SLC2A13: variants seen among roughly 807,000 people sequenced by gnomAD.
SLC2A13 encodes the protein solute carrier family 2 member 13.
In SLC2A13, 32 loss-of-function variants were observed where a neutral mutation model predicts 64.4. That is an observed-to-expected ratio of 0.50 (90% CI 0.37 to 0.67). The LOEUF (loss-of-function observed/expected upper bound fraction) is 0.67, where lower values mean the gene tolerates loss of function less well. Ranked by LOEUF, SLC2A13 falls within the 30% of genes least tolerant of loss-of-function variation. The probability of loss-of-function intolerance (pLI) is 0.00; values close to 1 mark genes in which losing one functional copy is unlikely to be tolerated. For synonymous variants in SLC2A13, 338 were observed against 327.1 expected (o/e 1.03, Z -0.36); for missense variants, 743 against 829.2 (o/e 0.90, Z 1.28).
intron 3 of SLC2A13, among the ~76,000 whole-genome samples, chr12:40,007,500 TTTTTTA>T (rs1280097685): frequency 1.1e-5 from 1 of 89,338 alleles, no homozygotes; most frequent in Non-Finnish European, 2.4e-5. Flanking sequence ...TTTAAAACTT[TTTTTTA>T]AAAAAAGGTC....
At chr12:39,888,944 T>A (rs1944534770) in intron 4 of SLC2A13, among the ~76,000 whole-genome samples, 1 of 152,184 alleles carries the variant, frequency 6.6e-6, no homozygotes, top group Non-Finnish European at 1.5e-5. Context: ...AGTAAACCAT[T>A]TTTCTTGTGA....
chr12:39,999,809 A>T (rs193076466), intron 3 of SLC2A13, among the ~76,000 whole-genome samples: 2 of 152,128 alleles, frequency 1.3e-5, no homozygotes, highest in East Asian at 3.9e-4. Context: ...TGCCCTTTGA[A>T]GCATGTGATC....
chr12:40,031,279 GT>G (rs1253280574), intron 2 of SLC2A13, among the ~76,000 whole-genome samples: 5 of 152,092 alleles, frequency 3.3e-5, no homozygotes, highest in African/African-American at 1.2e-4. Flanking sequence ...CCGGAGTGTA[GT>G]GGCGCGATCT....
chr12:39,837,454 C>A (rs1315447852), intron 6 of SLC2A13, among the ~76,000 whole-genome samples: 1 of 136,754 alleles, frequency 7.3e-6, no homozygotes, highest in Non-Finnish European at 1.6e-5. Context: ...TCCAAAACAC[C>A]AAAAGCAATG....
At chr12:40,090,734 T>G (rs1938739647) in intron 1 of SLC2A13, among the ~76,000 whole-genome samples, 1 of 152,190 alleles carries the variant, frequency 6.6e-6, no homozygotes, top group Admixed American at 6.5e-5. Flanking sequence ...TTTGCAACAT[T>G]CATGATTTCC....
chr12:39,915,433 T>C (rs1034002875), intron 4 of SLC2A13, among the ~76,000 whole-genome samples: 3 of 151,874 alleles, frequency 2.0e-5, no homozygotes, highest in African/African-American at 4.8e-5. Context: ...AAAACAGCCA[T>C]AGAAACACCC....
chr12:39,966,245 A>T (rs533620600), intron 3 of SLC2A13, among the ~76,000 whole-genome samples: 1 of 152,046 alleles, frequency 6.6e-6, no homozygotes, highest in Admixed American at 6.6e-5. Flanking sequence ...AGTTACAATG[A>T]TCATCATTAC....
intron 2 of SLC2A13, among the ~76,000 whole-genome samples, chr12:40,031,301 C>A (rs1947900410): frequency 6.7e-6 from 1 of 149,858 alleles, no homozygotes; most frequent in South Asian, 2.1e-4. Context: ...CGGCTCACTG[C>A]AACCTCCGCC....
intron 2 of SLC2A13, among the ~76,000 whole-genome samples, chr12:40,045,696 T>G (rs1194316334): frequency 6.6e-6 from 1 of 152,086 alleles, no homozygotes; most frequent in East Asian, 1.9e-4. Context: ...CGGGAGTTAG[T>G]TTTCCCATAC....
In SLC2A13 at chr12:39,871,964, G is replaced by A; in HGVS notation, c.1035-3C>T. The stretch of plus-strand genomic sequence containing the variant: ...GCAGAATGGTTGCACTGTAGTACCT[G>A]CAAAGCAATGAATAAAACAATTGCT... On this transcript the variant is annotated splice_region_variant and splice_polypyrimidine_tract_variant and intron_variant, in intron 4 of 9. Transcript: ENST00000280871. The A allele has an allele frequency of 2.5e-6, 4 of 1,576,414 alleles. No individual in the cohort carries two copies. Among genetic ancestry groups the A allele is most frequent in the South Asian group, 1.2e-5 (1 of 84,162 alleles).
At chr12:39,939,506 T>C (rs559324028) in intron 4 of SLC2A13, among the ~76,000 whole-genome samples, 2 of 152,304 alleles carry the variant, frequency 1.3e-5, no homozygotes, top group South Asian at 4.1e-4. Context: ...GTGGAGTTCA[T>C]AGGGCTTGAG....
At chr12:39,954,302 C>T (rs1946282157) in intron 3 of SLC2A13, among the ~76,000 whole-genome samples, 1 of 152,020 alleles carries the variant, frequency 6.6e-6, no homozygotes, top group Admixed American at 6.6e-5. Flanking sequence ...TACAGAGATG[C>T]CAAGGGGGCT....
intron 7 of SLC2A13, among the ~76,000 whole-genome samples, chr12:39,769,680 C>A (rs779048322): frequency 2.0e-5 from 3 of 151,832 alleles, no homozygotes; most frequent in Non-Finnish European, 4.4e-5. Context: ...TCTTCTTTTC[C>A]TGCCCTATTT....
chr12:39,871,315 A>G (rs1392046559), intron 5 of SLC2A13, among the ~76,000 whole-genome samples: 1 of 152,184 alleles, frequency 6.6e-6, no homozygotes, highest in Non-Finnish European at 1.5e-5. Flanking sequence ...TTTCAAACAC[A>G]AAAGAGTTTG....
chr12:40,058,327 T>C (rs917233146), intron 1 of SLC2A13, among the ~76,000 whole-genome samples: 2 of 152,132 alleles, frequency 1.3e-5, no homozygotes, highest in African/African-American at 4.8e-5. Context: ...AACTATAAAA[T>C]AGGGAATTAT....
chr12:39,902,398 A>G (rs930574614), intron 4 of SLC2A13, among the ~76,000 whole-genome samples: 9 of 152,188 alleles, frequency 5.9e-5, no homozygotes, highest in African/African-American at 2.2e-4. Flanking sequence ...ATACACATGA[A>G]GAGAACTATT....
At chr12:40,068,659 A>G (rs909793469) in intron 1 of SLC2A13, 16 of 153,488 alleles carry the variant, frequency 1.0e-4, no homozygotes, top group African/African-American at 3.9e-4. Flanking sequence ...GAATGAGAAA[A>G]GCAAATTGTT....
chr12:39,795,194 C>G (rs1057100396), intron 7 of SLC2A13, among the ~76,000 whole-genome samples: 2 of 150,966 alleles, frequency 1.3e-5, no homozygotes, highest in Non-Finnish European at 3.0e-5. Context: ...CTCCCCCCAC[C>G]TCTCTCTCTC....
At chr12:40,086,001 G>A (rs1370132945) in intron 1 of SLC2A13, among the ~76,000 whole-genome samples, 1 of 152,080 alleles carries the variant, frequency 6.6e-6, no homozygotes, top group Non-Finnish European at 1.5e-5. Context: ...ACCATGCCCA[G>A]CTAATTTTTG....
Sources: allele counts gnomAD v4.1 joint callset (sites outside exome capture counted in the v4.1 genomes callset), GRCh38; gene constraint gnomAD v4.1.1; transcripts MANE v1.5; gene names NCBI Gene and HGNC (gene_info 2026-07-23, HGNC 2026-07-21).